Variants in CDH4 observed in about 807,000 individuals in gnomAD.
CDH4 encodes the protein cadherin 4.
In CDH4, 33 loss-of-function variants were observed where a neutral mutation model predicts 86.0. That is an observed-to-expected ratio of 0.38 (90% confidence interval 0.29 to 0.51). The LOEUF is 0.51. CDH4 is among the 20% of genes least tolerant of loss of function. The pLI, the probability that CDH4 is intolerant of heterozygous loss-of-function variation, is 0.86. For synonymous variants in CDH4, 555 were observed against 549.4 expected (o/e 1.01, Z -0.14); for missense variants, 1,114 against 1,307.4 (o/e 0.85, Z 2.28).
chr20:61,685,641 C>T (rs1459142508), intron 2 of CDH4, among the ~76,000 whole-genome samples: 1 of 152,230 alleles, frequency 6.6e-6, no homozygotes, highest in African/African-American at 2.4e-5. Context: ...CTCTGTGTCT[C>T]GGGCTTTGAC....
intron 4 of CDH4, among the ~76,000 whole-genome samples, chr20:61,806,512 G>A (rs1980135835): frequency 6.6e-6 from 1 of 152,206 alleles, no homozygotes. Flanking sequence ...ACCCAAGTGA[G>A]CATCTGAGGA....
intron 2 of CDH4, among the ~76,000 whole-genome samples, chr20:61,477,555 A>G (rs2085545339): frequency 6.6e-6 from 1 of 152,192 alleles, no homozygotes; most frequent in Non-Finnish European, 1.5e-5. Flanking sequence ...GGAGCGTGGA[A>G]GAAGGTCCAC....
Position 61,425,413 on chromosome 20 carries a change from G to T in CDH4, c.169+170476G>T, listed in dbSNP as rs374204563. 1.9e-3 allele frequency among the ~76,000 whole-genome samples: 292 copies of T among 152,284 alleles called. 2 individuals are homozygous for T. The highest frequency in any genetic ancestry group is 6.4e-3 in the African/African-American group (266 of 41,576). ...AGCGGTGGAGGGGCGGGCCTTCAGG[G>T]TGGGACAGCTGGGACTGGCTCCTGT... On this transcript the variant is annotated intron_variant, in intron 2 of 15. Coordinates refer to ENST00000614565, the MANE Select transcript of CDH4 (RefSeq NM_001794.5).
chr20:61,622,205 G>A (rs533286319), intron 2 of CDH4, among the ~76,000 whole-genome samples: 1 of 152,346 alleles, frequency 6.6e-6, no homozygotes, highest in South Asian at 2.1e-4. Context: ...CCTGTTGGCT[G>A]CATTTAAGGT....
At chr20:61,531,709 G>A (rs542103634) in intron 2 of CDH4, among the ~76,000 whole-genome samples, 39 of 152,326 alleles carry the variant, frequency 2.6e-4, no homozygotes, top group Non-Finnish European at 5.0e-4. Flanking sequence ...GCAGCACGGT[G>A]GAGCCCCAGC....
At chr20:61,778,598 G>A (rs1021966207) in intron 4 of CDH4, among the ~76,000 whole-genome samples, 14 of 152,082 alleles carry the variant, frequency 9.2e-5, no homozygotes, top group African/African-American at 3.4e-4. Context: ...AGCCACGCCT[G>A]GTGGTTCTGC....
At chr20:61,326,204 C>T (rs1030383077) in intron 2 of CDH4, among the ~76,000 whole-genome samples, 1 of 152,214 alleles carries the variant, frequency 6.6e-6, no homozygotes, top group Non-Finnish European at 1.5e-5. Flanking sequence ...TACTTCTCCA[C>T]CGCACTGCCT....
intron 2 of CDH4, among the ~76,000 whole-genome samples, chr20:61,470,061 A>G (rs993019107): frequency 2.0e-5 from 3 of 152,040 alleles, no homozygotes; most frequent in African/African-American, 7.2e-5. Context: ...GTGGTTCTAT[A>G]TACATTTTAG....
intron 2 of CDH4, among the ~76,000 whole-genome samples, chr20:61,644,363 A>G (rs2087039947): frequency 6.6e-6 from 1 of 152,230 alleles, no homozygotes; most frequent in South Asian, 2.1e-4. Context: ...AGGGCTGCGC[A>G]GAGCCCTTCG....
intron 2 of CDH4, among the ~76,000 whole-genome samples, chr20:61,713,321 C>G (rs2087913627): frequency 6.6e-6 from 1 of 152,174 alleles, no homozygotes; most frequent in Non-Finnish European, 1.5e-5. Context: ...CCACTCCCCC[C>G]CAGACCTCCT....
chr20:61,804,315 CAG>C (rs1260607764), intron 4 of CDH4, among the ~76,000 whole-genome samples: 2 of 152,160 alleles, frequency 1.3e-5, no homozygotes, highest in Non-Finnish European at 2.9e-5. Flanking sequence ...GGTGAGGAGA[CAG>C]AGGACCGAGG....
chr20:61,858,594 A>G (rs554916622), intron 6 of CDH4, among the ~76,000 whole-genome samples: 115 of 151,872 alleles, frequency 7.6e-4, no homozygotes, highest in African/African-American at 2.8e-3. Context: ...ATCAACCCTA[A>G]CCTGTGGCAA....
intron 6 of CDH4, among the ~76,000 whole-genome samples, chr20:61,869,542 T>C (rs1355320830): frequency 6.6e-6 from 1 of 152,146 alleles, no homozygotes; most frequent in Non-Finnish European, 1.5e-5. Context: ...TGGGATTCAG[T>C]TTCCCCATCT....
rs745440296 is a variant in CDH4 at position 61,884,849 on chromosome 20, T to C, written c.1051-10061T>C. 9.2e-5 allele frequency among the ~76,000 whole-genome samples: 14 copies of C among 152,008 alleles called. 1 individual carries two copies. Among genetic ancestry groups the C allele is most frequent in the Non-Finnish European group, 1.3e-4 (9 of 67,984 alleles). On this transcript the variant is annotated intron_variant, in intron 7 of 15. Coordinates refer to ENST00000614565, the MANE Select transcript of CDH4 (RefSeq NM_001794.5). ...CCCTGGGGTGGGGGCGGGGAAGGCT[T>C]CCTGGAGAGGGACTCAGCCTGTAGC...
intron 2 of CDH4, among the ~76,000 whole-genome samples, chr20:61,365,757 C>T (rs2084808172): frequency 6.6e-6 from 1 of 152,092 alleles, no homozygotes; most frequent in South Asian, 2.1e-4. Context: ...CCTGCATTCC[C>T]TTTGGAGAGA....
At chr20:61,594,733 C>A (rs930342524) in intron 2 of CDH4, among the ~76,000 whole-genome samples, 1 of 152,156 alleles carries the variant, frequency 6.6e-6, no homozygotes, top group Non-Finnish European at 1.5e-5. Context: ...GTGAAGACGC[C>A]GCCGTGTCTG....
intron 2 of CDH4, among the ~76,000 whole-genome samples, chr20:61,698,700 G>C (rs1367527989): frequency 6.6e-6 from 1 of 152,224 alleles, no homozygotes; most frequent in Non-Finnish European, 1.5e-5. Context: ...CGTGCACTGT[G>C]GGGTGCTCAG....
chr20:61,659,309 G>A (rs973264750), intron 2 of CDH4, among the ~76,000 whole-genome samples: 34 of 152,200 alleles, frequency 2.2e-4, no homozygotes, highest in African/African-American at 7.2e-4. Context: ...CAATTGATCC[G>A]CTACGGAGAG....
intron 2 of CDH4, among the ~76,000 whole-genome samples, chr20:61,679,662 G>T (rs1170649883): frequency 6.6e-6 from 1 of 152,218 alleles, no homozygotes; most frequent in Non-Finnish European, 1.5e-5. Context: ...GGGAGCAGGG[G>T]CCTCCCCATC....
Sources: gnomAD v4.1 joint callset for allele counts (sites outside exome capture counted in the v4.1 genomes callset) on GRCh38, gnomAD v4.1.1 for gene constraint, MANE v1.5 for transcripts, NCBI Gene and HGNC (gene_info 2026-07-23, HGNC 2026-07-21) for gene names.